SPIRE2: variants seen among roughly 807,000 people sequenced by gnomAD.
The protein encoded by SPIRE2 is spire type actin nucleation factor 2.
Under a neutral mutation model 80.7 loss-of-function variants are expected in SPIRE2, and 76 were observed. That is an observed-to-expected ratio of 0.94 (90% CI 0.78 to 1.14). The LOEUF is 1.14. Among genes scored for constraint, SPIRE2 ranks in the 50% most tolerant of loss-of-function variants. The pLI is 0.00. For synonymous variants in SPIRE2, 535 were observed against 432.6 expected (o/e 1.24, Z -2.94); for missense variants, 1,196 against 1,015.3 (o/e 1.18, Z -2.42).
chr16:89,866,308 T>C (rs34686253), intron 12 of SPIRE2, among the ~76,000 whole-genome samples: 5,017 of 152,212 alleles, frequency 0.033, 136 homozygotes, highest in South Asian at 0.1. Flanking sequence ...TTTTTTTTTA[T>C]TTTTTTGAGA....
At position 89,837,894 on chromosome 16, in the gene SPIRE2, G is replaced by A. The variant is rs138496609; in HGVS notation, c.245-7428G>A. Among the ~76,000 whole-genome samples the A allele has an allele frequency of 1.6e-3, 240 of 152,310 alleles. 1 individual carries two copies. The highest frequency in any genetic ancestry group is 5.1e-3 in the African/African-American group (212 of 41,584). On this transcript the variant is annotated intron_variant, in intron 1 of 14. Coordinates refer to ENST00000378247, the MANE Select transcript of SPIRE2 (RefSeq NM_032451.2). ...GAGGAAGCTCACGGCTCAACCACAT[G>A]GTTCCCTCTGACCCAAAGAGCAGGC...
chr16:89,863,488 C>T lies in SPIRE2; in HGVS notation c.1588C>T (p.Pro530Ser), dbSNP rs368102227. The change falls in exon 11 of 15, where the codon CCC (proline) becomes TCC (serine). Residue 530 changes from proline to serine, a missense_variant. Coordinates refer to ENST00000378247, the MANE Select transcript of SPIRE2 (RefSeq NM_032451.2). This position sits in a 1 kb window ranked among gnomAD's most constrained non-coding sequence, Gnocchi z 4.3. The part of the protein sequence containing the change: ...AKHLWLEFSH[P>S]VESLALTVEE... ...GGCCGTCCCCTAGGAGTTCAGCCAC[C>T]CCGTGGAGAGCCTGGCGCTGACTGT... 127 of 1,613,896 alleles carry T rather than the reference C, an allele frequency of 7.9e-5. No individual in the cohort carries two copies. The highest frequency in any genetic ancestry group is 1.0e-4 in the Non-Finnish European group (123 of 1,180,034).
intron 5 of SPIRE2, among the ~76,000 whole-genome samples, chr16:89,855,308 G>T (rs562587826): frequency 6.6e-6 from 1 of 152,244 alleles, no homozygotes; most frequent in Non-Finnish European, 1.5e-5. Flanking sequence ...TTCTTATGAT[G>T]CCCCTGTGAG....
chr16:89,860,388 A>G (rs902846772), intron 9 of SPIRE2, among the ~76,000 whole-genome samples: 3 of 152,052 alleles, frequency 2.0e-5, no homozygotes, highest in Admixed American at 6.5e-5. Flanking sequence ...CCTCCTGAGT[A>G]GCTAGGACTA....
intron 6 of SPIRE2, 37 bp from the exon 7 acceptor site, chr16:89,856,076 C>G (rs760969079): frequency 1.3e-6 from 2 of 1,590,168 alleles, no homozygotes; most frequent in South Asian, 2.2e-5. Flanking sequence ...ACCGCAGGTC[C>G]TGCTTCCCCA....
chr16:89,856,314 A>G, intron 7 of SPIRE2, 78 bp downstream of exon 7: 2 of 1,463,432 alleles, frequency 1.4e-6, no homozygotes, highest in Middle Eastern at 2.5e-4. Flanking sequence ...CAGGTTGCAC[A>G]TTGGAAGGTG....
At chr16:89,838,638 C>T (rs1044255136) in intron 1 of SPIRE2, among the ~76,000 whole-genome samples, 2 of 152,218 alleles carry the variant, frequency 1.3e-5, no homozygotes, top group African/African-American at 4.8e-5. Context: ...AATTCTAAGA[C>T]TGACTTGGGT....
At chr16:89,832,206 G>A (rs2041392026) in intron 1 of SPIRE2, among the ~76,000 whole-genome samples, 1 of 152,244 alleles carries the variant, frequency 6.6e-6, no homozygotes, top group Non-Finnish European at 1.5e-5. Context: ...AAGCCCGTTT[G>A]TGTGTCTGTG....
intron 1 of SPIRE2, among the ~76,000 whole-genome samples, chr16:89,842,862 A>G (rs901099541): frequency 4.5e-4 from 68 of 152,184 alleles, no homozygotes; most frequent in African/African-American, 1.5e-3. Context: ...TGTTCTATGA[A>G]CTCCACTGAT....
chr16:89,833,649 A>G (rs1399688205), intron 1 of SPIRE2, among the ~76,000 whole-genome samples: 2 of 152,120 alleles, frequency 1.3e-5, no homozygotes, highest in African/African-American at 4.8e-5. Context: ...GCGTGGTGCT[A>G]ACGTCTGTGC....
chr16:89,842,217 T>TTTTTTTTTTTTTTTTC, intron 1 of SPIRE2, among the ~76,000 whole-genome samples: 1 of 119,368 alleles, frequency 8.4e-6, no homozygotes, highest in East Asian at 3.2e-4. Context: ...AATTTTTTTT[T>TTTTTTTTTTTTTTTTC]TTTTTTTTTT....
intron 12 of SPIRE2, among the ~76,000 whole-genome samples, chr16:89,865,199 G>T (rs962308548): frequency 2.6e-5 from 4 of 151,860 alleles, no homozygotes; most frequent in Non-Finnish European, 5.9e-5. Context: ...GTAGAGATGG[G>T]GTTTCACCAT....
At chr16:89,869,967 G>T in intron 14 of SPIRE2, 83 bp from the exon 15 acceptor site, 1 of 1,223,874 alleles carries the variant, frequency 8.2e-7, no homozygotes. Flanking sequence ...CAGCCAGGAG[G>T]GGGCTGTGGC....
intron 2 of SPIRE2, 88 bp from the exon 3 acceptor site, chr16:89,850,216 G>T: frequency 9.2e-7 from 1 of 1,092,282 alleles, no homozygotes; most frequent in Non-Finnish European, 1.4e-6. Context: ...TCCCTGGCCG[G>T]GTGCTGGGCC....
intron 2 of SPIRE2, among the ~76,000 whole-genome samples, chr16:89,849,468 T>C (rs2041600293): frequency 6.6e-6 from 1 of 152,262 alleles, no homozygotes. Context: ...TATTTGTGTG[T>C]GTGGGTCTTT....
At chr16:89,849,392 G>C (rs778168830) in intron 2 of SPIRE2, among the ~76,000 whole-genome samples, 1 of 151,974 alleles carries the variant, frequency 6.6e-6, no homozygotes, top group African/African-American at 2.4e-5. Context: ...AGTGTGGCTC[G>C]AGGTGAGGTT....
Position 89,858,332 on chromosome 16 carries a change from C to A in SPIRE2, c.1103-6C>A, listed in dbSNP as rs755407278. 4.4e-6 allele frequency: 7 copies of A among 1,588,046 alleles called. No individual in the cohort carries two copies. Among genetic ancestry groups the A allele is most frequent in the Admixed American group, 1.8e-5 (1 of 56,768 alleles). ...GCCCGTCCTGCCTCGGCTCCCGTCT[C>A]CCCAGGGTTTGGCTCTCTGCCCTGC... On this transcript the variant is annotated splice_polypyrimidine_tract_variant and splice_region_variant and intron_variant, in intron 7 of 14. Transcript: ENST00000378247.
intron 12 of SPIRE2, 138 bp from the exon 13 acceptor site, chr16:89,868,051 A>G: frequency 1.1e-6 from 1 of 903,758 alleles, no homozygotes; most frequent in Non-Finnish European, 1.8e-6. Context: ...AGTAAAATAA[A>G]GTACTGAAGT....
chr16:89,854,344 A>G lies in SPIRE2; in HGVS notation c.704A>G (p.Asp235Gly). The G allele has an allele frequency of 1.2e-6, 2 of 1,612,548 alleles. No individual in the cohort carries two copies. The highest frequency in any genetic ancestry group is 1.7e-6 in the Non-Finnish European group (2 of 1,179,864). ...PHLETPRAEL[D>G]SLGHTDWARL... ...CTGGAGACGCCTCGGGCAGAGCTGG[A>G]CAGCCTGGGTCACACAGACTGGGTA... is the stretch of plus-strand genomic sequence containing the variant. Residue 235 changes from aspartate (D) to glycine (G), a missense_variant, in exon 4 of 15, where the codon GAC (aspartate) becomes GGC (glycine). Asp to Gly is a moderately conservative substitution (Grantham distance 94). Transcript: ENST00000378247.
Sources: allele counts gnomAD v4.1 joint callset (sites outside exome capture counted in the v4.1 genomes callset), GRCh38; gene constraint gnomAD v4.1.1; non-coding constraint Gnocchi (gnomAD v3.1); transcripts MANE v1.5; gene names NCBI Gene and HGNC (gene_info 2026-07-23, HGNC 2026-07-21).